The following RAPGEF2 variants were observed in gnomAD, a reference collection of about 807,000 sequenced individuals.
The protein encoded by RAPGEF2 is PDZ domain containing guanine nucleotide exchange factor (GEF) 1.
In RAPGEF2, 54 loss-of-function variants were observed where a neutral mutation model predicts 186.7. The ratio of observed to expected loss-of-function variants is 0.29; its 90% CI spans 0.23 to 0.36. The LOEUF is 0.36. Among genes scored for constraint, RAPGEF2 ranks in the 10% least tolerant of loss-of-function variants. RAPGEF2 has a pLI of 1.00. For synonymous variants in RAPGEF2, 712 were observed against 705.9 expected, an observed-to-expected ratio of 1.01 and a Z score of -0.14; for missense variants, 1,532 against 2,045.0, an observed-to-expected ratio of 0.75 and a Z score of 4.84.
intron 2 of RAPGEF2, among the ~76,000 whole-genome samples, chr4:159,192,772 A>G (rs143613228): frequency 3.9e-5 from 6 of 152,328 alleles, no homozygotes; most frequent in East Asian, 3.9e-4. Context: ...CTGAAATTCC[A>G]TAATGTGGAG....
intron 1 of RAPGEF2, among the ~76,000 whole-genome samples, chr4:159,124,048 G>A (rs1372557491): frequency 6.6e-6 from 1 of 151,374 alleles, no homozygotes; most frequent in Non-Finnish European, 1.5e-5. Flanking sequence ...TAGAGATGGC[G>A]TTTCGCCATG....
chr4:159,334,468 C>T (rs1311246323), intron 17 of RAPGEF2, among the ~76,000 whole-genome samples: 8 of 151,974 alleles, frequency 5.3e-5, no homozygotes, highest in South Asian at 2.1e-4. Context: ...AGGCTGGTCT[C>T]GATCTCCTGT....
At position 159,353,847 on chromosome 4, in the gene RAPGEF2, A is replaced by C. The variant is rs1007441633; in HGVS notation, c.4452A>C (p.Arg1484=). The C allele has an allele frequency of 6.2e-7, 1 of 1,614,208 alleles. No homozygotes were observed. The highest frequency in any genetic ancestry group is 1.7e-5 in the Admixed American group (1 of 60,026). Residue 1484 remains arginine, a synonymous_variant, in exon 28 of 30, where the codon CGA becomes CGC. Transcript: ENST00000691494. The surrounding 1 kb of genome is among the most constrained non-coding windows in gnomAD (Gnocchi z 4.3). ...AGAGCCTTGAACAAGCCCAGTCCCG[A>C]GCAAGCTGGGCGTCTTCCACAGGTT... ...SRESLEQAQS[R]ASWASSTGYW... is the part of the protein sequence containing the mutation.
intron 1 of RAPGEF2, among the ~76,000 whole-genome samples, chr4:159,130,677 A>C (rs1186687185): frequency 6.6e-6 from 1 of 152,154 alleles, no homozygotes; most frequent in Non-Finnish European, 1.5e-5. Context: ...TTAGCGAATA[A>C]ATTACTCTAA....
chr4:159,132,882 GT>G lies in RAPGEF2; in HGVS notation c.69+28664del, dbSNP rs199633780. Among the ~76,000 whole-genome samples the G allele has an allele frequency of 2.0e-3, 276 of 140,430 alleles. 2 individuals carry two copies. Among genetic ancestry groups the G allele is most frequent in the South Asian group, 0.016 (73 of 4,462 alleles). The allele number at this position is 140,430 out of a possible 152,430, so 92.1% of individuals were successfully genotyped here. ...TAATATTTTAAATATTATATACTTAGTTTTTTTTTTTTTGCATAGTTCACAT... is the reference window on the plus strand; with the variant it reads ...TAATATTTTAAATATTATATACTTAGTTTTTTTTTTTTGCATAGTTCACAT... On this transcript the variant is annotated intron_variant, in intron 1 of 29. Transcript: ENST00000691494.
At chr4:159,328,471 A>G (rs1020604486) in intron 11 of RAPGEF2, 1 of 152,202 alleles carries the variant, frequency 6.6e-6, no homozygotes, top group African/African-American at 2.4e-5. Context: ...GCTGAATAGA[A>G]AAACTAGTGA....
rs556927096 is a variant in RAPGEF2, at chr4:159,358,235, C to T, written c.*96C>T. On this transcript the variant is annotated 3_prime_UTR_variant, in exon 30 of 30. Coordinates refer to ENST00000691494, the MANE Select transcript of RAPGEF2 (RefSeq NM_001394067.2). ...AGCCTTGGAACTCACATTCTGAGGA[C>T]GGTGGACCAGTTTGCCTCCTTCCCT... 133 of 1,326,346 alleles carry T rather than the reference C, an allele frequency of 1.0e-4. No individual in the cohort carries two copies. The highest frequency in any genetic ancestry group is 1.3e-4 in the Non-Finnish European group (119 of 946,956). The allele number at this position is 1,326,346 out of a possible 1,614,324, so 82.2% of individuals were successfully genotyped here. A position where few individuals can be genotyped will look rare whatever the true frequency, so the allele number is the denominator to read the frequency against.
chr4:159,227,851 C>T (rs1158661611), intron 4 of RAPGEF2, among the ~76,000 whole-genome samples: 1 of 152,198 alleles, frequency 6.6e-6, no homozygotes, highest in African/African-American at 2.4e-5. Flanking sequence ...TAGTATTTTC[C>T]ATGGTAATCC....
intron 19 of RAPGEF2, 81 bp from the exon 20 acceptor site, chr4:159,341,482 TA>T: frequency 7.1e-7 from 1 of 1,412,078 alleles, no homozygotes; most frequent in Non-Finnish European, 9.5e-7. Context: ...AAACTTTCCA[TA>T]AAAAGTAGCA....
chr4:159,233,116 A>G (rs2111444152), intron 4 of RAPGEF2, among the ~76,000 whole-genome samples: 1 of 152,316 alleles, frequency 6.6e-6, no homozygotes, highest in South Asian at 2.1e-4. Context: ...TTGCCTTTTC[A>G]GTTAATTGAT....
At chr4:159,311,099 G>A (rs912864603) in intron 8 of RAPGEF2, among the ~76,000 whole-genome samples, 1 of 151,900 alleles carries the variant, frequency 6.6e-6, no homozygotes, top group Non-Finnish European at 1.5e-5. Context: ...GTTTTGTTTT[G>A]CTTACATTGA....
At chr4:159,247,246 AG>A (rs1754751035) in intron 7 of RAPGEF2, among the ~76,000 whole-genome samples, 1 of 152,126 alleles carries the variant, frequency 6.6e-6, no homozygotes, top group Non-Finnish European at 1.5e-5. Flanking sequence ...ACCATGTTTC[AG>A]GTCTGTCCCA....
rs1385385063 is a variant in RAPGEF2 at position 159,323,473 on chromosome 4, A to G, written c.1005A>G (p.Ser335=). 6.2e-7 allele frequency: 1 copy of G among 1,603,416 alleles called. No homozygotes were observed. Among genetic ancestry groups the G allele is most frequent in the Non-Finnish European group, 8.5e-7 (1 of 1,175,408 alleles). ...LNDGEELDSW[S]VILNGSVEVT... is the part of the protein sequence containing the mutation. ...TTTTGGATTAGCTGGACTCCTGGTC[A>G]GTGATTCTCAATGGATCTGTGGAAG... Residue 335 remains serine (S), a synonymous_variant, in exon 11 of 30, where the codon TCA becomes TCG. Coordinates refer to ENST00000691494, the MANE Select transcript of RAPGEF2 (RefSeq NM_001394067.2).
chr4:159,164,894 A>C (rs559420055), intron 1 of RAPGEF2, among the ~76,000 whole-genome samples: 1 of 152,204 alleles, frequency 6.6e-6, no homozygotes, highest in South Asian at 2.1e-4. Context: ...TTTTTGTTTT[A>C]AGAAAAATGA....
chr4:159,138,137 A>T (rs1377830003), intron 1 of RAPGEF2, among the ~76,000 whole-genome samples: 1 of 152,174 alleles, frequency 6.6e-6, no homozygotes, highest in Non-Finnish European at 1.5e-5. Flanking sequence ...TTGGGATGAG[A>T]GGTATCTCCA....
rs964450822 is a variant in RAPGEF2, at chr4:159,346,973, G to A, written c.3687G>A (p.Val1229=). The A allele has an allele frequency of 2.5e-6, 4 of 1,613,966 alleles. No homozygotes were observed. Among genetic ancestry groups the A allele is most frequent in the Non-Finnish European group, 3.4e-6 (4 of 1,179,860 alleles). ...CCCTTTATCCTTCACGGAAGAAAGT[G>A]CCCGTAAAGGATCTCCCACCTTTTG... The part of the protein sequence containing the change: ...AVSLYPSRKK[V]PVKDLPPFGI... Residue 1229 remains valine (V), a synonymous_variant, in exon 25 of 30, where the codon GTG becomes GTA. Transcript: ENST00000691494.
intron 1 of RAPGEF2, among the ~76,000 whole-genome samples, chr4:159,131,546 T>TA (rs1741108248): frequency 7.1e-6 from 1 of 140,024 alleles, no homozygotes; most frequent in African/African-American, 2.7e-5. Context: ...TTTTTTTTTT[T>TA]AGCTTTTGCT....
Position 159,352,697 on chromosome 4 carries a change from C to A in RAPGEF2, c.3878C>A (p.Ala1293Asp), listed in dbSNP as rs546918296. The A allele has an allele frequency of 6.2e-7, 1 of 1,612,868 alleles. No homozygotes were observed. Among genetic ancestry groups the A allele is most frequent in the South Asian group, 1.1e-5 (1 of 91,052 alleles). The change falls in exon 27 of 30, where the codon GCT becomes GAT. Residue 1293 changes from alanine (A) to aspartate (D), a missense_variant. Physicochemically the swap from Ala to Asp is moderately radical, Grantham distance 126. Coordinates refer to ENST00000691494, the MANE Select transcript of RAPGEF2 (RefSeq NM_001394067.2). ...ATTTCTCATGCAGGCTATACTTTGG[C>A]TCCCAGTGGTACTGTGGATAATTTT... ...QSSPRKGYTL[A>D]PSGTVDNFSD...
intron 7 of RAPGEF2, among the ~76,000 whole-genome samples, chr4:159,302,187 G>C (rs1762751579): frequency 6.6e-6 from 1 of 152,126 alleles, no homozygotes; most frequent in South Asian, 2.1e-4. Flanking sequence ...CTTATGTTAG[G>C]CTTGGAGCTC....
Sources: allele counts gnomAD v4.1 joint callset (sites outside exome capture counted in the v4.1 genomes callset), GRCh38; gene constraint gnomAD v4.1.1; non-coding constraint Gnocchi (gnomAD v3.1); transcripts MANE v1.5; gene names NCBI Gene and HGNC (gene_info 2026-07-23, HGNC 2026-07-21).